The following PPP1R14C variants were observed in gnomAD, a reference collection of about 807,000 sequenced individuals.
PPP1R14C encodes the protein protein phosphatase 1 regulatory subunit 14C.
PPP1R14C carries 16 observed loss-of-function variants against 20.4 expected under a neutral mutation model. The ratio of observed to expected loss-of-function variants is 0.78; its 90% CI spans 0.53 to 1.19. PPP1R14C has a LOEUF of 1.19. Ranked by LOEUF, PPP1R14C falls within the 50% of genes most tolerant of loss-of-function variation. The probability of loss-of-function intolerance (pLI) is 0.00; values close to 1 mark genes in which losing one functional copy is unlikely to be tolerated. For missense variants in PPP1R14C, 211 were observed against 220.1 expected, an observed-to-expected ratio of 0.96 and a Z score of 0.26; for synonymous variants, 91 against 91.0, an observed-to-expected ratio of 1.00 and a Z score of 0.00.
At chr6:150,169,526 A>G (rs184207636) in intron 1 of PPP1R14C, among the ~76,000 whole-genome samples, 67 of 152,326 alleles carry the variant, frequency 4.4e-4, no homozygotes, top group Middle Eastern at 3.4e-3. Context: ...AACTGCTGTT[A>G]AAAGGTTGTC....
At chr6:150,163,055 G>A (rs1489447765) in intron 1 of PPP1R14C, among the ~76,000 whole-genome samples, 1 of 152,176 alleles carries the variant, frequency 6.6e-6, no homozygotes, top group African/African-American at 2.4e-5. Flanking sequence ...GGAACAGAAA[G>A]TACTGTGAGG....
intron 1 of PPP1R14C, among the ~76,000 whole-genome samples, chr6:150,207,212 C>T (rs908958795): frequency 2.6e-5 from 4 of 152,116 alleles, no homozygotes; most frequent in Admixed American, 6.5e-5. Flanking sequence ...CTCTCTGGCT[C>T]TAAGCAAGCT....
intron 1 of PPP1R14C, among the ~76,000 whole-genome samples, chr6:150,176,512 A>G (rs371932252): frequency 1.2e-4 from 19 of 152,292 alleles, no homozygotes; most frequent in African/African-American, 3.1e-4. Flanking sequence ...GAAATACCAG[A>G]TAAGTTCAGG....
At chr6:150,149,610 T>C (rs918517354) in intron 1 of PPP1R14C, among the ~76,000 whole-genome samples, 1 of 151,952 alleles carries the variant, frequency 6.6e-6, no homozygotes, top group Admixed American at 6.6e-5. Context: ...TTTCTCTGTA[T>C]GTTGAAGGAA....
intron 1 of PPP1R14C, among the ~76,000 whole-genome samples, chr6:150,193,278 G>A (rs1777767323): frequency 6.6e-6 from 1 of 151,924 alleles, no homozygotes; most frequent in African/African-American, 2.4e-5. Flanking sequence ...AAAAGAGGAG[G>A]AAGAGACAAG....
At chr6:150,181,099 T>C (rs748428967) in intron 1 of PPP1R14C, among the ~76,000 whole-genome samples, 2 of 152,142 alleles carry the variant, frequency 1.3e-5, no homozygotes, top group Non-Finnish European at 2.9e-5. Flanking sequence ...CCTTTGGAAG[T>C]GTGGTATTTA....
chr6:150,170,180 A>T (rs750507999), intron 1 of PPP1R14C, among the ~76,000 whole-genome samples: 1 of 152,208 alleles, frequency 6.6e-6, no homozygotes, highest in Non-Finnish European at 1.5e-5. Flanking sequence ...CCTTGTGAGG[A>T]AGGGAAGTGG....
chr6:150,172,051 G>A (rs558587964), intron 1 of PPP1R14C, among the ~76,000 whole-genome samples: 5 of 151,962 alleles, frequency 3.3e-5, no homozygotes, highest in African/African-American at 7.3e-5. Flanking sequence ...CAAGTGATCC[G>A]CCCGCCTTGG....
At chr6:150,172,285 A>C (rs928365384) in intron 1 of PPP1R14C, among the ~76,000 whole-genome samples, 2 of 152,226 alleles carry the variant, frequency 1.3e-5, no homozygotes, top group Non-Finnish European at 2.9e-5. Context: ...AAGTCACTCT[A>C]GATGGGAAAT....
Position 150,180,292 on chromosome 6 carries a change from A to G in PPP1R14C, c.307-34452A>G, listed in dbSNP as rs1777607069. Among the ~76,000 whole-genome samples, 4 of 152,202 alleles carry G rather than the reference A, an allele frequency of 2.6e-5. 1 individual carries two copies. The South Asian group carries it at 6.2e-4, about 24-fold the overall frequency. On this transcript the variant is annotated intron_variant, in intron 1 of 3. Coordinates refer to ENST00000361131, the MANE Select transcript of PPP1R14C (RefSeq NM_030949.3). ...CTGGTAGATAGGGTGCACTCAGTGG[A>G]TGTTAGCTATTATTATGTTTGAGAC...
intron 1 of PPP1R14C, among the ~76,000 whole-genome samples, chr6:150,168,903 T>C (rs1777467456): frequency 6.6e-6 from 1 of 152,000 alleles, no homozygotes; most frequent in African/African-American, 2.4e-5. Flanking sequence ...TTGAGACAGA[T>C]TCTCACTCTG....
At chr6:150,194,009 A>G (rs1248376624) in intron 1 of PPP1R14C, among the ~76,000 whole-genome samples, 2 of 152,032 alleles carry the variant, frequency 1.3e-5, no homozygotes, top group African/African-American at 4.8e-5. Flanking sequence ...TACTGTTCTT[A>G]TGGTAGTGAA....
At chr6:150,226,767 T>C (rs1435024733) in intron 3 of PPP1R14C, among the ~76,000 whole-genome samples, 1 of 152,200 alleles carries the variant, frequency 6.6e-6, no homozygotes, top group East Asian at 1.9e-4. Flanking sequence ...TATACAATGA[T>C]ATCAAAGCCT....
chr6:150,161,706 G>T (rs1414146213), intron 1 of PPP1R14C, among the ~76,000 whole-genome samples: 2 of 152,178 alleles, frequency 1.3e-5, no homozygotes, highest in African/African-American at 4.8e-5. Context: ...GCGCTTATAT[G>T]CACTCCTTTT....
chr6:150,220,033 T>C (rs532757249), intron 3 of PPP1R14C, among the ~76,000 whole-genome samples: 3 of 152,182 alleles, frequency 2.0e-5, no homozygotes, highest in South Asian at 4.2e-4. Flanking sequence ...TTTTTGTATT[T>C]TTAGTAGAGG....
chr6:150,178,193 C>A (rs1048244940), intron 1 of PPP1R14C, among the ~76,000 whole-genome samples: 10 of 152,216 alleles, frequency 6.6e-5, no homozygotes, highest in African/African-American at 4.8e-5. Context: ...CTGGCGCCAC[C>A]TCAGCAGGGT....
Position 150,143,139 on chromosome 6 carries a change from C to T in PPP1R14C, c.-54C>T. The T allele has an allele frequency of 1.7e-6, 2 of 1,190,414 alleles. No individual in the cohort carries two copies. Among genetic ancestry groups the T allele is most frequent in the Non-Finnish European group, 2.1e-6 (2 of 964,106 alleles). 73.7% of individuals were successfully genotyped at this position (1,190,414 alleles called of 1,614,324 possible). The stretch of plus-strand genomic sequence containing the variant: ...GGCCGGAGGTGGTAGCGGCGCCGGG[C>T]GCGCTCCGCCCGCCCCTCCTCCGGG... On this transcript the variant is annotated 5_prime_UTR_variant, in exon 1 of 4. Transcript: ENST00000361131. This position sits in a 1 kb window ranked among gnomAD's most constrained non-coding sequence, Gnocchi z 5.6.
chr6:150,218,882 C>T (rs1278459396), intron 3 of PPP1R14C, among the ~76,000 whole-genome samples: 2 of 152,124 alleles, frequency 1.3e-5, no homozygotes, highest in African/African-American at 4.8e-5. Flanking sequence ...GAACTCCTGG[C>T]CTCAAGCTAT....
chr6:150,213,554 G>T (rs1417263702), intron 1 of PPP1R14C, among the ~76,000 whole-genome samples: 1 of 152,202 alleles, frequency 6.6e-6, no homozygotes, highest in African/African-American at 2.4e-5. Flanking sequence ...TTTCTCTCTA[G>T]CTCCTGCAGA....
Sources: gnomAD v4.1 joint callset for allele counts (sites outside exome capture counted in the v4.1 genomes callset) on GRCh38, gnomAD v4.1.1 for gene constraint, Gnocchi (gnomAD v3.1) non-coding constraint, MANE v1.5 for transcripts, NCBI Gene and HGNC (gene_info 2026-07-23, HGNC 2026-07-21) for gene names.